The following FBN3 variants were observed in gnomAD, a reference collection of about 807,000 sequenced individuals.
The protein encoded by FBN3 is fibrillin 3.
FBN3 carries 234 observed loss-of-function variants against 330.1 expected under a neutral mutation model. That is an observed-to-expected ratio of 0.71 (90% CI 0.64 to 0.79). The LOEUF (loss-of-function observed/expected upper bound fraction) is 0.79, where lower values mean the gene tolerates loss of function less well. FBN3 is among the 30% of genes least tolerant of loss of function. FBN3 has a pLI of 0.00. For synonymous variants in FBN3, 1,458 were observed against 1,517.3 expected (o/e 0.96, Z 0.91); for missense variants, 3,606 against 3,886.9 (o/e 0.93, Z 1.92).
rs2082858943 is a variant in FBN3, at chr19:8,121,799, G to C, written c.3083-413C>G. On this transcript the variant is annotated intron_variant, in intron 24 of 63. Transcript: ENST00000600128. This position sits in a 1 kb window ranked among gnomAD's most constrained non-coding sequence, Gnocchi z 4.5. ...GAGTCTTGCTCTGTCACCCAGGATG[G>C]AGTGCAGTGATGCAATCTCGGCTCA... Among the ~76,000 whole-genome samples the C allele has an allele frequency of 6.6e-6, 1 of 151,848 alleles. No individual in the cohort carries two copies. The highest frequency in any genetic ancestry group is 2.1e-4 in the South Asian group (1 of 4,806).
intron 32 of FBN3, 73 bp downstream of exon 32, chr19:8,111,573 CAT>C: frequency 6.9e-7 from 1 of 1,452,046 alleles, no homozygotes; most frequent in Non-Finnish European, 9.3e-7. Context: ...GTCGAGTGAC[CAT>C]GGCAGCCACC....
chr19:8,087,254 C>A, intron 53 of FBN3, 43 bp from the exon 54 acceptor site: 3 of 1,520,308 alleles, frequency 2.0e-6, no homozygotes, highest in Non-Finnish European at 2.6e-6. Context: ...GGCCAGGCAC[C>A]CTATGGCTGT....
chr19:8,115,995 G>T (rs1301590715), intron 29 of FBN3, among the ~76,000 whole-genome samples: 1 of 152,110 alleles, frequency 6.6e-6, no homozygotes, highest in African/African-American at 2.4e-5. Context: ...TATGCACAGT[G>T]GGTCTGCAAC....
At chr19:8,087,420 G>A (rs959519858) in intron 53 of FBN3, among the ~76,000 whole-genome samples, 1 of 152,100 alleles carries the variant, frequency 6.6e-6, no homozygotes, top group South Asian at 2.1e-4. Context: ...GTCCCCCAAA[G>A]CTTGCATCCC....
rs1447703052 is a variant in FBN3, at chr19:8,065,979, C to T, written c.8370G>A (p.Glu2790=). ...HMAGPWGVQP[E]GQPGPWGQAL... ...CCTGGCCCCATGGCCCTGGCTGCCC[C>T]TCTGGCTGGACACCCCAGGGTCCTG... Residue 2790 remains glutamate, a synonymous_variant, in exon 64 of 64, where the codon GAG becomes GAA. Coordinates refer to ENST00000600128, the MANE Select transcript of FBN3 (RefSeq NM_032447.5). The T allele has an allele frequency of 5.0e-6, 8 of 1,612,022 alleles. No individual in the cohort carries two copies. In the African/African-American group the frequency reaches 9.3e-5, roughly 19 times the overall value.
chr19:8,146,027 C>T, intron 4 of FBN3, 89 bp from the exon 5 acceptor site: 1 of 1,485,884 alleles, frequency 6.7e-7, no homozygotes. Context: ...GCATGCTCAG[C>T]CCCGCTCCTG....
At chr19:8,104,065 C>T (rs1435041990) in intron 38 of FBN3, among the ~76,000 whole-genome samples, 2 of 149,422 alleles carry the variant, frequency 1.3e-5, no homozygotes, top group Non-Finnish European at 3.0e-5. Flanking sequence ...GTTAAGGTTG[C>T]AGTGAGCCGT....
chr19:8,117,535 T>C lies in FBN3; in HGVS notation c.3392A>G (p.Asn1131Ser), dbSNP rs75824176. 2.3e-4 allele frequency: 353 copies of C among 1,558,144 alleles called. No individual in the cohort carries two copies. The highest frequency in any genetic ancestry group is 1.2e-3 in the African/African-American group (86 of 73,464). ...DGLCPHGQCV[N>S]VIGAFQCSCH... ...GGAGCACTGGAAGGCACCGATGACATTGACACACTGGCCATGGGGACACAG... is the reference window on the plus strand; with the variant it reads ...GGAGCACTGGAAGGCACCGATGACACTGACACACTGGCCATGGGGACACAG... Residue 1131 changes from asparagine (N) to serine (S), a missense_variant, in exon 27 of 64, where the codon AAT becomes AGT. By Grantham distance (46) the Asn-to-Ser change is conservative. Transcript: ENST00000600128.
At chr19:8,089,507 GGGC>G (rs779183946) in intron 51 of FBN3, 35 bp downstream of exon 51, 2 of 1,612,242 alleles carry the variant, frequency 1.2e-6, no homozygotes. Flanking sequence ...GTCCTGGGAG[GGGC>G]CTGGGACAGA....
In FBN3 at chr19:8,091,473, C is replaced by T. The variant is rs200717697; in HGVS notation, c.6023G>A (p.Arg2008His). ...GCCCTGTGTGGACTTACCAAAGCAA[C>T]GGTGCCCATTGTCAGAGAGGACAAA... ...PGFVLSDNGH[R>H]CFDTRQSFCF... is the part of the protein sequence containing the mutation. The change falls in exon 48 of 64, where the codon CGT becomes CAT. Residue 2008 changes from arginine to histidine, a missense_variant. Transcript: ENST00000600128. 27 of 1,613,984 alleles carry T rather than the reference C, an allele frequency of 1.7e-5. No homozygotes were observed. Among genetic ancestry groups the T allele is most frequent in the South Asian group, 1.2e-4 (11 of 91,080 alleles).
chr19:8,080,960 G>A (rs1481025482), intron 59 of FBN3, 43 bp downstream of exon 59: 2 of 1,368,340 alleles, frequency 1.5e-6, no homozygotes, highest in Non-Finnish European at 2.1e-6. Context: ...AACTAATGCT[G>A]GGGTCATGGG....
At position 8,106,184 on chromosome 19, in the gene FBN3, G is replaced by A. The variant is rs7258713; in HGVS notation, c.4737C>T (p.Cys1579=). 0.014 allele frequency: 23,065 copies of A among 1,614,028 alleles called. 1,783 individuals carry two copies. In the African/African-American group the frequency reaches 0.21, roughly 15 times the overall value. The change falls in exon 38 of 64, where the codon TGC becomes TGT. Residue 1579 remains cysteine, a synonymous_variant. Coordinates refer to ENST00000600128, the MANE Select transcript of FBN3 (RefSeq NM_032447.5). Reference sequence around the variant, plus strand: ...ACTGGAAACTGCCAAACGTGTTGACGCAGTCACCCCCCTGACACAGCCCTG... The same window carrying A: ...ACTGGAAACTGCCAAACGTGTTGACACAGTCACCCCCCTGACACAGCCCTG... The part of the protein sequence containing the change: ...ELPGLCQGGD[C]VNTFGSFQCE...
chr19:8,096,337 G>A lies in FBN3; in HGVS notation c.5539+107C>T. The A allele has an allele frequency of 7.3e-7, 1 of 1,375,270 alleles. No individual in the cohort carries two copies. 85.2% of individuals were successfully genotyped at this position (1,375,270 alleles called of 1,614,324 possible). On this transcript the variant is annotated intron_variant, in intron 44 of 63. Coordinates refer to ENST00000600128, the MANE Select transcript of FBN3 (RefSeq NM_032447.5). The surrounding 1 kb of genome is among the most constrained non-coding windows in gnomAD (Gnocchi z 4.6). ...GATCTTAATCTCAGGACCCAAACTT[G>A]GATCTCTTTGTGAACTAGGATGGAC...
At chr19:8,133,937 A>C (rs1399609836) in intron 13 of FBN3, among the ~76,000 whole-genome samples, 1 of 151,748 alleles carries the variant, frequency 6.6e-6, no homozygotes, top group Non-Finnish European at 1.5e-5. Context: ...ATTTAAAAAA[A>C]AAAATGTGGC....
rs2083433112 is a variant in FBN3, at chr19:8,142,175, TG to T, written c.542-39del. The T allele has an allele frequency of 1.8e-5, 28 of 1,539,590 alleles. 3 individuals are homozygous for T. The Admixed American group carries it at 2.4e-4, about 13-fold the overall frequency. On this transcript the variant is annotated intron_variant, in intron 6 of 63. Coordinates refer to ENST00000600128, the MANE Select transcript of FBN3 (RefSeq NM_032447.5). The stretch of plus-strand genomic sequence containing the variant: ...CAGATGTGGGTACCTGGCTGAGGGC[TG>T]CCCCTGTCTGGAGATCTCTGCGTCT...
chr19:8,069,590 A>C lies in FBN3; in HGVS notation c.8088+2458T>G, dbSNP rs182116439. ...AGTGGGTATTGCAGGCAAAGGCACAATACAGCCCTATTTTTGAGACAGGGT... is the reference window on the plus strand; with the variant it reads ...AGTGGGTATTGCAGGCAAAGGCACACTACAGCCCTATTTTTGAGACAGGGT... On this transcript the variant is annotated intron_variant, in intron 63 of 63. Transcript: ENST00000600128. 3.5e-3 allele frequency among the ~76,000 whole-genome samples: 535 copies of C among 152,262 alleles called. 4 individuals are homozygous for C. The highest frequency in any genetic ancestry group is 4.5e-3 in the Non-Finnish European group (307 of 68,022).
chr19:8,123,890 C>G lies in FBN3; in HGVS notation c.2850G>C (p.Glu950Asp). ...ACTCGGGATCCGGGCAGGCCTCGCA[C>G]TCGACTCCCCACACGGCCCCGATGG... Reference protein sequence around the residue: ...CCSIGAVWGVECEACPDPESL... With the variant: ...CCSIGAVWGVDCEACPDPESL... Residue 950 changes from glutamate to aspartate, a missense_variant, in exon 23 of 64, where the codon GAG becomes GAC. Glu to Asp is a conservative substitution (Grantham distance 45). Transcript: ENST00000600128. The G allele has an allele frequency of 6.2e-7, 1 of 1,613,882 alleles. No individual in the cohort carries two copies. Among genetic ancestry groups the G allele is most frequent in the South Asian group, 1.1e-5 (1 of 91,084 alleles).
chr19:8,142,706 G>C (rs896494178), intron 6 of FBN3, among the ~76,000 whole-genome samples: 1 of 151,982 alleles, frequency 6.6e-6, no homozygotes, highest in African/African-American at 2.4e-5. Flanking sequence ...CAATAAAGGA[G>C]TTAGCTCTCA....
chr19:8,125,874 G>T lies in FBN3; in HGVS notation c.2731+18C>A. On this transcript the variant is annotated intron_variant, in intron 22 of 63. Coordinates refer to ENST00000600128, the MANE Select transcript of FBN3 (RefSeq NM_032447.5). The stretch of plus-strand genomic sequence containing the variant: ...GGAAGAACGTGTGGCCCTGTATGCG[G>T]ACCTCGCCTGGACTCACCCACGCAC... The T allele has an allele frequency of 1.9e-6, 3 of 1,598,766 alleles. No individual in the cohort carries two copies. Among genetic ancestry groups the T allele is most frequent in the Non-Finnish European group, 2.6e-6 (3 of 1,174,342 alleles).
Sources: gnomAD v4.1 joint callset for allele counts (sites outside exome capture counted in the v4.1 genomes callset) on GRCh38, gnomAD v4.1.1 for gene constraint, Gnocchi (gnomAD v3.1) non-coding constraint, MANE v1.5 for transcripts, NCBI Gene and HGNC (gene_info 2026-07-23, HGNC 2026-07-21) for gene names.